MTUS2: variants seen among roughly 807,000 people sequenced by gnomAD.
MTUS2 encodes the protein microtubule associated scaffold protein 2.
MTUS2 carries 40 observed loss-of-function variants against 114.1 expected under a neutral mutation model. The ratio of observed to expected loss-of-function variants is 0.35; its 90% CI spans 0.27 to 0.46. The LOEUF is 0.46. Ranked by LOEUF, MTUS2 falls within the 20% of genes least tolerant of loss-of-function variation. MTUS2 has a pLI of 1.00. For synonymous variants in MTUS2, 688 were observed against 672.0 expected, an observed-to-expected ratio of 1.02 and a Z score of -0.37; for missense variants, 1,679 against 1,705.4, an observed-to-expected ratio of 0.98 and a Z score of 0.27.
intron 8 of MTUS2, among the ~76,000 whole-genome samples, chr13:29,420,950 A>G (rs1199321540): frequency 6.6e-6 from 1 of 152,220 alleles, no homozygotes; most frequent in East Asian, 1.9e-4. Context: ...ATCAGTAGCA[A>G]CCTTCCTATT....
intron 6 of MTUS2, among the ~76,000 whole-genome samples, chr13:29,290,837 T>G (rs531790709): frequency 6.6e-6 from 1 of 152,282 alleles, no homozygotes; most frequent in South Asian, 2.1e-4. Context: ...CAGTCGTGGC[T>G]GTTGTACTCA....
intron 8 of MTUS2, among the ~76,000 whole-genome samples, chr13:29,425,556 G>C (rs1472613489): frequency 1.3e-5 from 2 of 152,112 alleles, no homozygotes; most frequent in Non-Finnish European, 2.9e-5. Context: ...AAAAATAGAA[G>C]TAAAAAAGGA....
chr13:29,325,541 A>AAG (rs1900467030), intron 7 of MTUS2, among the ~76,000 whole-genome samples: 1 of 84,934 alleles, frequency 1.2e-5, no homozygotes. Flanking sequence ...AGGAGAAGAA[A>AAG]AGAAGAAGGA....
rs1555271591 is a variant in MTUS2, at chr13:29,383,252, G to GTATATATATATATTTATTTATTTATT, written c.3117+23782_3117+23783insATATATATATTTATTTATTTATTTAT. ...TGTGTGTGTGTGTGTGTGTGTGTGTGTATTTATTTTTCTCATGCAGGTCTT... is the reference window on the plus strand; with the variant it reads ...TGTGTGTGTGTGTGTGTGTGTGTGTGTATATATATATATTTATTTATTTATTTATTTATTTTTCTCATGCAGGTCTT... On this transcript the variant is annotated intron_variant, in intron 8 of 15. Transcript: ENST00000612955. Among the ~76,000 whole-genome samples the GTATATATATATATTTATTTATTTATT allele has an allele frequency of 1.2e-3, 161 of 135,946 alleles. 1 individual carries two copies. The highest frequency in any genetic ancestry group is 4.7e-3 in the East Asian group (22 of 4,720). 89.2% of individuals were successfully genotyped at this position (135,946 alleles called of 152,430 possible). A position where few individuals can be genotyped will look rare whatever the true frequency, so the allele number is the denominator to read the frequency against.
At position 28,996,162 on chromosome 13, in the gene MTUS2, G is replaced by A. The variant is rs550262634; in HGVS notation, c.-242-28295G>A. On this transcript the variant is annotated intron_variant, in intron 2 of 15. Transcript: ENST00000612955. ...CTGCATCTATTGAGATAATCATGTG[G>A]TTTTTGTCTTTGGTTCTGTTTATAT... Among the ~76,000 whole-genome samples the A allele has an allele frequency of 5.3e-3, 805 of 152,204 alleles. 6 individuals carry two copies. The highest frequency in any genetic ancestry group is 9.8e-3 in the Non-Finnish European group (665 of 68,010).
At chr13:29,485,662 C>G (rs117760446) in intron 10 of MTUS2, among the ~76,000 whole-genome samples, 1 of 152,190 alleles carries the variant, frequency 6.6e-6, no homozygotes, top group Admixed American at 6.5e-5. Context: ...ATTCCATCAC[C>G]AATGACTCAA....
chr13:29,359,452 C>T lies in MTUS2; in HGVS notation c.3096C>T (p.Ala1032=), dbSNP rs1240710057. The change falls in exon 8 of 16, where the codon GCC becomes GCT. Residue 1032 remains alanine (A), a synonymous_variant. Coordinates refer to ENST00000612955, the MANE Select transcript of MTUS2 (RefSeq NM_001033602.4). ...AICGFDALAV[A]TQHFFRKNES... ...GCGGCTTTGATGCCCTCGCCGTGGC[C>T]ACGCAGCATTTCTTTAGAAAGGTGA... 3 of 1,611,376 alleles carry T rather than the reference C, an allele frequency of 1.9e-6. No homozygotes were observed. The highest frequency in any genetic ancestry group is 2.5e-6 in the Non-Finnish European group (3 of 1,179,258).
intron 2 of MTUS2, among the ~76,000 whole-genome samples, chr13:28,947,510 T>C (rs535041195): frequency 6.6e-6 from 1 of 152,312 alleles, no homozygotes; most frequent in South Asian, 2.1e-4. Context: ...GTCTTCAAAG[T>C]GTCTACCAAA....
chr13:29,503,010 A>G lies in MTUS2; in HGVS notation c.3914A>G (p.Asn1305Ser). The change falls in exon 16 of 16, where the codon AAT (asparagine) becomes AGT (serine). Residue 1305 changes from asparagine to serine, a missense_variant. This residue lies in a region of MTUS2 where 822 missense variants were observed against 899.7 expected (regional missense o/e 0.91). Transcript: ENST00000612955. ...TVVTRQLSEE[N>S]ANLQEYVEKE... ...CCATGCAGACAGCTGTCGGAGGAAAATGCTAACCTCCAGGAATATGTTGAG... is the reference window on the plus strand; with the variant it reads ...CCATGCAGACAGCTGTCGGAGGAAAGTGCTAACCTCCAGGAATATGTTGAG... 6.2e-7 allele frequency: 1 copy of G among 1,614,178 alleles called. No individual in the cohort carries two copies. The highest frequency in any genetic ancestry group is 8.5e-7 in the Non-Finnish European group (1 of 1,180,012).
At chr13:28,902,005 C>T (rs1879673672) in intron 2 of MTUS2, among the ~76,000 whole-genome samples, 1 of 152,036 alleles carries the variant, frequency 6.6e-6, no homozygotes, top group African/African-American at 2.4e-5. Flanking sequence ...TCTTTGATTT[C>T]TTTTATCAGA....
chr13:29,353,245 T>C (rs1173792150), intron 7 of MTUS2, among the ~76,000 whole-genome samples: 3 of 152,176 alleles, frequency 2.0e-5, no homozygotes, highest in African/African-American at 7.2e-5. Flanking sequence ...TAATATCTCA[T>C]TGCAGCCTCA....
chr13:29,286,548 A>G (rs1021138676), intron 6 of MTUS2, among the ~76,000 whole-genome samples: 6 of 152,198 alleles, frequency 3.9e-5, no homozygotes, highest in African/African-American at 9.6e-5. Flanking sequence ...AGGTATTTCA[A>G]ATGTTGAGAA....
chr13:29,084,791 C>A (rs991338183), intron 4 of MTUS2, among the ~76,000 whole-genome samples: 10 of 132,884 alleles, frequency 7.5e-5, no homozygotes, highest in Admixed American at 3.1e-4. Context: ...ACCCCCCCCC[C>A]TCACCGTTGG....
chr13:29,193,416 A>G (rs980361726), intron 5 of MTUS2, among the ~76,000 whole-genome samples: 3 of 152,160 alleles, frequency 2.0e-5, no homozygotes, highest in Non-Finnish European at 2.9e-5. Flanking sequence ...ATACAAAATC[A>G]ATGTACAAAA....
At chr13:29,429,231 T>C (rs1265171140) in intron 8 of MTUS2, among the ~76,000 whole-genome samples, 1 of 152,258 alleles carries the variant, frequency 6.6e-6, no homozygotes, top group Non-Finnish European at 1.5e-5. Context: ...CATTTTAATG[T>C]ACCTGTGAAA....
intron 8 of MTUS2, among the ~76,000 whole-genome samples, chr13:29,422,050 T>A (rs1039959286): frequency 2.0e-5 from 3 of 152,232 alleles, no homozygotes; most frequent in Non-Finnish European, 4.4e-5. Context: ...TGCTCTAAGA[T>A]AGAAAAATAT....
intron 5 of MTUS2, among the ~76,000 whole-genome samples, chr13:29,135,272 G>A (rs775585999): frequency 6.6e-6 from 1 of 152,160 alleles, no homozygotes; most frequent in South Asian, 2.1e-4. Flanking sequence ...AATAAGGGGG[G>A]ACTACTATAA....
At chr13:29,400,942 TAGAG>T (rs1874289604) in intron 8 of MTUS2, among the ~76,000 whole-genome samples, 1 of 152,206 alleles carries the variant, frequency 6.6e-6, no homozygotes, top group Non-Finnish European at 1.5e-5. Flanking sequence ...AATTACGTAT[TAGAG>T]AGCCTAGCGT....
At chr13:29,164,690 A>G (rs2139092579) in intron 5 of MTUS2, among the ~76,000 whole-genome samples, 1 of 152,324 alleles carries the variant, frequency 6.6e-6, no homozygotes, top group East Asian at 1.9e-4. Flanking sequence ...TTCTTACAGC[A>G]TATTAAAAAG....
Sources: allele counts gnomAD v4.1 joint callset (sites outside exome capture counted in the v4.1 genomes callset), GRCh38; gene constraint gnomAD v4.1.1; regional missense constraint gnomAD v4.1.1; transcripts MANE v1.5; gene names NCBI Gene and HGNC (gene_info 2026-07-23, HGNC 2026-07-21).